Variants in KCNMA1 observed in about 807,000 individuals in gnomAD.
KCNMA1 encodes the protein Calcium-activated potassium channel subunit alpha-1.
KCNMA1 carries 29 observed loss-of-function variants against 140.0 expected under a neutral mutation model. The ratio of observed to expected loss-of-function variants is 0.21; its 90% CI spans 0.15 to 0.28. The LOEUF (loss-of-function observed/expected upper bound fraction) is 0.28, where lower values mean the gene tolerates loss of function less well. KCNMA1 is among the 10% of genes least tolerant of loss of function. The pLI, the probability that KCNMA1 is intolerant of heterozygous loss-of-function variation, is 1.00. For synonymous variants in KCNMA1, 612 were observed against 611.9 expected (o/e 1.00, Z 0.00); for missense variants, 880 against 1,602.2 (o/e 0.55, Z 7.70).
intron 14 of KCNMA1, among the ~76,000 whole-genome samples, chr10:77,062,012 G>A (rs1350909030): frequency 6.6e-6 from 1 of 152,172 alleles, no homozygotes; most frequent in African/African-American, 2.4e-5. Flanking sequence ...ACAGGAGGGT[G>A]TGACTGTACA....
At chr10:77,432,249 C>T (rs981366754) in intron 1 of KCNMA1, among the ~76,000 whole-genome samples, 6 of 152,204 alleles carry the variant, frequency 3.9e-5, no homozygotes, top group South Asian at 4.1e-4. Context: ...CATAGAATCA[C>T]CTTATGTTCC....
chr10:77,604,011 C>A (rs1164169823), intron 1 of KCNMA1, among the ~76,000 whole-genome samples: 1 of 152,238 alleles, frequency 6.6e-6, no homozygotes, highest in African/African-American at 2.4e-5. Flanking sequence ...GTGATAAAGG[C>A]CAGATATTAC....
rs141978248 is a variant in KCNMA1 at position 77,186,036 on chromosome 10, G to C, written c.603-1120C>G. 1.8e-3 allele frequency among the ~76,000 whole-genome samples: 275 copies of C among 152,276 alleles called. 2 individuals are homozygous for C. Among genetic ancestry groups the C allele is most frequent in the African/African-American group, 6.3e-3 (263 of 41,558 alleles). Reference sequence around the variant, plus strand: ...ATGGAAGATGAAGGATTTCCTAGTAGTGCCACTTTGGAAATCACTGTGTGC... The same window carrying C: ...ATGGAAGATGAAGGATTTCCTAGTACTGCCACTTTGGAAATCACTGTGTGC... On this transcript the variant is annotated intron_variant, in intron 3 of 27. Transcript: ENST00000286628.
At position 76,977,835 on chromosome 10, in the gene KCNMA1, G is replaced by A. The variant is rs1468461961; in HGVS notation, c.2267-7768C>T. 3 of 575,578 alleles carry A rather than the reference G, an allele frequency of 5.2e-6. No homozygotes were observed. The Admixed American group carries it at 9.1e-5, about 17-fold the overall frequency. 35.7% of individuals were successfully genotyped at this position (575,578 alleles called of 1,614,324 possible). A position where few individuals can be genotyped will look rare whatever the true frequency, so the allele number is the denominator to read the frequency against. ...TTTCACATTTTCCAACTCAAGCTAAGTTAGATTCATCCACCCAGTACTTTG... is the reference window on the plus strand; with the variant it reads ...TTTCACATTTTCCAACTCAAGCTAAATTAGATTCATCCACCCAGTACTTTG... On this transcript the variant is annotated intron_variant, in intron 19 of 27. Transcript: ENST00000286628.
chr10:76,941,020 A>G (rs71475626), intron 23 of KCNMA1, among the ~76,000 whole-genome samples: 100 of 57,804 alleles, frequency 1.7e-3, no homozygotes, highest in East Asian at 3.7e-3. Context: ...GAAGGAAGGA[A>G]GAAAGAAAGA....
intron 5 of KCNMA1, among the ~76,000 whole-genome samples, chr10:77,145,143 T>C (rs1564805466): frequency 1.3e-5 from 2 of 152,126 alleles, no homozygotes. Flanking sequence ...GCCAGCCTCT[T>C]CCTAGGACCC....
chr10:77,352,634 GTGTGTGTGTGTGTGTT>G (rs1416900342), intron 2 of KCNMA1, among the ~76,000 whole-genome samples: 1 of 151,594 alleles, frequency 6.6e-6, no homozygotes, highest in Non-Finnish European at 1.5e-5. Context: ...GTGTGTGTGT[GTGTGTGTGTGTGTGTT>G]TGTGTGTGTG....
intron 20 of KCNMA1, 79 bp from the exon 21 acceptor site, chr10:76,954,003 CAG>C: frequency 1.4e-6 from 2 of 1,469,174 alleles, no homozygotes; most frequent in Non-Finnish European, 1.9e-6. Context: ...AATTACATCT[CAG>C]AGGATGTGAA....
chr10:77,404,119 G>C, intron 1 of KCNMA1, 96 bp from the exon 2 acceptor site: 1 of 1,215,596 alleles, frequency 8.2e-7, no homozygotes, highest in Non-Finnish European at 1.2e-6. Flanking sequence ...GGGGTCCCCA[G>C]CTGAGATGGA....
chr10:77,503,238 T>C (rs1466897295), intron 1 of KCNMA1, among the ~76,000 whole-genome samples: 3 of 152,250 alleles, frequency 2.0e-5, no homozygotes, highest in Non-Finnish European at 2.9e-5. Flanking sequence ...AGAGACTTCC[T>C]AGTTTAAAAA....
chr10:77,608,127 C>T (rs1053274362), intron 1 of KCNMA1, among the ~76,000 whole-genome samples: 2 of 152,102 alleles, frequency 1.3e-5, no homozygotes, highest in Admixed American at 6.6e-5. Context: ...TTCCTCTGCA[C>T]GTCCCCCTGC....
At chr10:77,627,643 C>T (rs1214429362) in intron 1 of KCNMA1, among the ~76,000 whole-genome samples, 1 of 152,218 alleles carries the variant, frequency 6.6e-6, no homozygotes, top group African/African-American at 2.4e-5. Flanking sequence ...AAACACCACC[C>T]AGCTCTGTCC....
At chr10:77,378,422 G>C (rs571984865) in intron 2 of KCNMA1, among the ~76,000 whole-genome samples, 1 of 152,330 alleles carries the variant, frequency 6.6e-6, no homozygotes, top group East Asian at 1.9e-4. Flanking sequence ...TCTTGCCAGG[G>C]TGAGGGCCAC....
chr10:76,873,346 C>T (rs2031745215), downstream of KCNMA1: 1 of 152,146 alleles, frequency 6.6e-6, no homozygotes, highest in Non-Finnish European at 1.5e-5. Context: ...TTTATAATTA[C>T]TACTGTCTCA....
At chr10:77,543,663 C>T (rs1165422648) in intron 1 of KCNMA1, among the ~76,000 whole-genome samples, 2 of 152,082 alleles carry the variant, frequency 1.3e-5, no homozygotes, top group Non-Finnish European at 2.9e-5. Context: ...CCAAAATAAT[C>T]CCATTTTAGA....
intron 13 of KCNMA1, among the ~76,000 whole-genome samples, chr10:77,077,374 A>C (rs1251781584): frequency 1.3e-5 from 2 of 152,246 alleles, no homozygotes. Flanking sequence ...GCAAATAATC[A>C]TGAATTGGTT....
At chr10:77,398,056 G>A (rs969325455) in intron 2 of KCNMA1, among the ~76,000 whole-genome samples, 4 of 103,960 alleles carry the variant, frequency 3.8e-5, no homozygotes, top group African/African-American at 7.5e-5. Flanking sequence ...GTATATATGT[G>A]TGTATGTGTG....
At chr10:76,879,287 C>A (rs542644298) in intron 29 of KCNMA1, among the ~76,000 whole-genome samples, 3 of 152,096 alleles carry the variant, frequency 2.0e-5, no homozygotes, top group Admixed American at 1.3e-4. Flanking sequence ...CAGTTTAATG[C>A]GGCAGCTCAG....
rs1555271431 is a variant in KCNMA1 at position 77,387,607 on chromosome 10, C to CT, written c.540+16254dup. Among the ~76,000 whole-genome samples, 222 of 114,248 alleles carry CT rather than the reference C, an allele frequency of 1.9e-3. 2 individuals are homozygous for CT. Among genetic ancestry groups the CT allele is most frequent in the Middle Eastern group, 0.016 (4 of 250 alleles). 75.0% of individuals were successfully genotyped at this position (114,248 alleles called of 152,430 possible). ...TTTCTCTTTTCTTTTCTTTTCTTTTCTTTCTTTTCTTTTCTTTTCTTTTCT... is the reference window on the plus strand; with the variant it reads ...TTTCTCTTTTCTTTTCTTTTCTTTTCTTTTCTTTTCTTTTCTTTTCTTTTCT... On this transcript the variant is annotated intron_variant, in intron 2 of 27. Transcript: ENST00000286628.
Sources: allele counts gnomAD v4.1 joint callset (sites outside exome capture counted in the v4.1 genomes callset), GRCh38; gene constraint gnomAD v4.1.1; transcripts MANE v1.5; gene names NCBI Gene and HGNC (gene_info 2026-07-23, HGNC 2026-07-21).